The following KIN variants were observed in gnomAD, a reference collection of about 807,000 sequenced individuals.
KIN encodes the protein DNA/RNA-binding protein KIN17.
A neutral mutation model predicts 63.0 loss-of-function variants in KIN; 47 were observed. The observed-to-expected ratio is 0.75, with a 90% CI of 0.59 to 0.95. KIN has a LOEUF of 0.95. Ranked by LOEUF, KIN falls within the 40% of genes least tolerant of loss-of-function variation. The pLI, the probability that KIN is intolerant of heterozygous loss-of-function variation, is 0.00. For synonymous variants in KIN, 160 were observed against 157.7 expected (o/e 1.01, Z -0.11); for missense variants, 408 against 460.9 (o/e 0.89, Z 1.05).
intron 11 of KIN, among the ~76,000 whole-genome samples, chr10:7,760,900 G>C (rs1835424146): frequency 6.6e-6 from 1 of 152,338 alleles, no homozygotes; most frequent in Admixed American, 6.5e-5. Context: ...ATGAACTACA[G>C]ATACGTTCCA....
chr10:7,782,328 T>G (rs1378964089), intron 2 of KIN, among the ~76,000 whole-genome samples: 1 of 152,100 alleles, frequency 6.6e-6, no homozygotes, highest in African/African-American at 2.4e-5. Context: ...TCATAAAGTG[T>G]TAATTCATTG....
intron 2 of KIN, among the ~76,000 whole-genome samples, chr10:7,781,699 G>C (rs1048652248): frequency 1.4e-5 from 2 of 146,584 alleles, no homozygotes; most frequent in African/African-American, 5.1e-5. Flanking sequence ...CCTGAGCCCA[G>C]GAGGTCAAGG....
rs551751313 is a variant in KIN at position 7,780,403 on chromosome 10, G to GT, written c.210-97dup. 4.8e-4 allele frequency: 515 copies of GT among 1,070,652 alleles called. 3 individuals carry two copies. Among genetic ancestry groups the GT allele is most frequent in the African/African-American group, 4.3e-3 (272 of 62,794 alleles). 66.3% of individuals were successfully genotyped at this position (1,070,652 alleles called of 1,614,324 possible). A position where few individuals can be genotyped will look rare whatever the true frequency, so the allele number is the denominator to read the frequency against. ...AGCAGTAGTACAGTTTTTTGTTTTT[G>GT]TTTTTTTTGAGACAGAGTCTCGTTC... is the stretch of plus-strand genomic sequence containing the variant. On this transcript the variant is annotated intron_variant, in intron 2 of 12. Transcript: ENST00000379562.
rs1291378859 is a variant in KIN at position 7,759,984 on chromosome 10, C to A, written c.1025G>T (p.Arg342Ile). The A allele has an allele frequency of 7.6e-6, 11 of 1,453,242 alleles. No individual in the cohort carries two copies. The highest frequency in any genetic ancestry group is 1.0e-5 in the Non-Finnish European group (11 of 1,071,694). 90.0% of individuals were successfully genotyped at this position (1,453,242 alleles called of 1,614,324 possible). A position where few individuals can be genotyped will look rare whatever the true frequency, so the allele number is the denominator to read the frequency against. ...GTAGCCTCCATTTAAAACTAGAATT[C>A]TTTTTCCTATGATGGAAAAGAATAT... ...LETVIPAPGK[R>I]ILVLNGGYRG... Residue 342 changes from arginine to isoleucine, a missense_variant, in exon 12 of 13, where the codon AGA becomes ATA. Coordinates refer to ENST00000379562, the MANE Select transcript of KIN (RefSeq NM_012311.4).
Position 7,777,477 on chromosome 10 carries a change from C to T in KIN, c.558+1361G>A, listed in dbSNP as rs550597155. Among the ~76,000 whole-genome samples the T allele has an allele frequency of 2.6e-5, 4 of 152,240 alleles. No homozygotes were observed. The South Asian group carries it at 8.3e-4, about 32-fold the overall frequency. On this transcript the variant is annotated intron_variant, in intron 5 of 12. Coordinates refer to ENST00000379562, the MANE Select transcript of KIN (RefSeq NM_012311.4). ...TTGTAAAAGTTCAGTGAACTGTACA[C>T]CTAAGATTAATGCACCTCATACACT...
chr10:7,775,834 A>G lies in KIN; in HGVS notation c.559-35T>C, dbSNP rs185063190. The G allele has an allele frequency of 3.6e-3, 4,916 of 1,358,680 alleles. 16 individuals are homozygous for G. The highest frequency in any genetic ancestry group is 4.2e-3 in the Non-Finnish European group (4,055 of 976,778). 84.2% of individuals were successfully genotyped at this position (1,358,680 alleles called of 1,614,324 possible). ...AGAAAGTTTTAAGGTTTTGGTGTAC[A>G]TTGCACTTACTATCACCATTCAATA... is the stretch of plus-strand genomic sequence containing the variant. On this transcript the variant is annotated intron_variant, in intron 5 of 12. Coordinates refer to ENST00000379562, the MANE Select transcript of KIN (RefSeq NM_012311.4).
chr10:7,766,188 A>G (rs989652185), intron 8 of KIN, 85 bp from the exon 9 acceptor site: 21 of 898,352 alleles, frequency 2.3e-5, no homozygotes, highest in Admixed American at 1.3e-4. Context: ...AAATAACACC[A>G]TAAAACTGTG....
chr10:7,783,521 T>C (rs747957848), intron 1 of KIN, among the ~76,000 whole-genome samples: 21 of 152,328 alleles, frequency 1.4e-4, no homozygotes, highest in Non-Finnish European at 2.8e-4. Context: ...TTATACAAAG[T>C]GTCAGACAAG....
At chr10:7,768,453 G>A (rs1334921457) in intron 8 of KIN, among the ~76,000 whole-genome samples, 1 of 152,046 alleles carries the variant, frequency 6.6e-6, no homozygotes, top group East Asian at 1.9e-4. Context: ...CCTGGGGAGC[G>A]GAGACTGCAG....
rs1835327321 is a variant in KIN, at chr10:7,756,084, G to T, written c.1178C>A (p.Ala393Asp). ...ATTGTTAACAAATTTTCAAACTCAG[G>T]CAAGTTTAGAAATGTCTTCATATTG... The part of the protein sequence containing the change: ...GIQYEDISKL[A>D] The change falls in exon 13 of 13, where the codon GCC (alanine) becomes GAC (aspartate). Residue 393 changes from alanine (A) to aspartate (D), a missense_variant. Coordinates refer to ENST00000379562, the MANE Select transcript of KIN (RefSeq NM_012311.4). 4 of 1,578,018 alleles carry T rather than the reference G, an allele frequency of 2.5e-6. No individual in the cohort carries two copies. The highest frequency in any genetic ancestry group is 2.7e-5 in the African/African-American group (2 of 73,700).
At chr10:7,759,840 C>T (rs1301924632) in intron 12 of KIN, 50 bp downstream of exon 12, 5 of 917,732 alleles carry the variant, frequency 5.4e-6, no homozygotes, top group Non-Finnish European at 8.6e-6. Context: ...AAAACTATGG[C>T]ACATTTTTAA....
chr10:7,754,197 AGTGCATGCCT>A lies in KIN; in HGVS notation c.*1873_*1882del, dbSNP rs2130977299. ...ATCAAAAAAATTAGCCAGGCATGGT[AGTGCATGCCT>A]GTAGTCCCAGCTACTCGGGAGGCTG... On this transcript the variant is annotated 3_prime_UTR_variant, in exon 13 of 13. Transcript: ENST00000379562. 2.4e-6 allele frequency: 1 copy of A among 422,482 alleles called. No homozygotes were observed. Among genetic ancestry groups the A allele is most frequent in the South Asian group, 1.7e-5 (1 of 57,674 alleles). 26.2% of individuals were successfully genotyped at this position (422,482 alleles called of 1,614,324 possible). A position where few individuals can be genotyped will look rare whatever the true frequency, so the allele number is the denominator to read the frequency against.
At chr10:7,785,724 G>A (rs911219860) in intron 1 of KIN, among the ~76,000 whole-genome samples, 12 of 151,684 alleles carry the variant, frequency 7.9e-5, no homozygotes, top group Non-Finnish European at 1.5e-4. Flanking sequence ...TGAGGCATGA[G>A]AATCACTTGA....
intron 7 of KIN, among the ~76,000 whole-genome samples, chr10:7,773,646 GCCTA>G (rs1208057949): frequency 6.6e-6 from 1 of 152,080 alleles, no homozygotes; most frequent in East Asian, 1.9e-4. Context: ...TGCTGATTCA[GCCTA>G]CCTATCTCCT....
At chr10:7,775,710 C>A in intron 6 of KIN, 41 bp downstream of exon 6, 1 of 1,078,196 alleles carries the variant, frequency 9.3e-7, no homozygotes, top group Non-Finnish European at 1.3e-6. Context: ...AATATAAAAG[C>A]ATCTATGTTT....
Position 7,787,943 on chromosome 10 carries a change from G to C in KIN, c.-10C>G, listed in dbSNP as rs1235035788. 5.0e-6 allele frequency: 8 copies of C among 1,594,024 alleles called. No homozygotes were observed. The highest frequency in any genetic ancestry group is 1.1e-5 in the South Asian group (1 of 90,698). On this transcript the variant is annotated 5_prime_UTR_variant, in exon 1 of 13. Transcript: ENST00000379562. ...AATCCGACTTCCCCATGGCGACCACGGCAGCGATCACTTTCTGGACCCCAG... is the reference window on the plus strand; with the variant it reads ...AATCCGACTTCCCCATGGCGACCACCGCAGCGATCACTTTCTGGACCCCAG...
intron 7 of KIN, among the ~76,000 whole-genome samples, chr10:7,772,718 C>G (rs1274908733): frequency 6.6e-6 from 1 of 152,162 alleles, no homozygotes; most frequent in Non-Finnish European, 1.5e-5. Context: ...GTTCCTTATT[C>G]ATGGACTCGG....
intron 2 of KIN, 46 bp from the exon 3 acceptor site, chr10:7,780,353 T>C (rs144823344): frequency 3.6e-5 from 53 of 1,458,294 alleles, no homozygotes; most frequent in African/African-American, 1.7e-4. Context: ...TCTACAAACA[T>C]ATAGCATCAT....
chr10:7,779,137 G>C, intron 4 of KIN, 118 bp from the exon 5 acceptor site: 2 of 1,195,138 alleles, frequency 1.7e-6, no homozygotes, highest in Non-Finnish European at 2.3e-6. Flanking sequence ...GCCGAGCGCA[G>C]TGGCTTACAC....
Sources: gnomAD v4.1 joint callset for allele counts (sites outside exome capture counted in the v4.1 genomes callset) on GRCh38, gnomAD v4.1.1 for gene constraint, MANE v1.5 for transcripts, NCBI Gene and HGNC (gene_info 2026-07-23, HGNC 2026-07-21) for gene names.